DDB2: variants seen among roughly 807,000 people sequenced by gnomAD.
The protein encoded by DDB2 is damage specific DNA binding protein 2.
DDB2 carries 27 observed loss-of-function variants against 50.5 expected under a neutral mutation model. The ratio of observed to expected loss-of-function variants is 0.53; its 90% confidence interval spans 0.39 to 0.74. DDB2 has a LOEUF of 0.74. DDB2 is among the 30% of genes least tolerant of loss of function. The pLI, the probability that DDB2 is intolerant of heterozygous loss-of-function variation, is 0.00. For synonymous variants in DDB2, 176 were observed against 205.5 expected (o/e 0.86, Z 1.23); for missense variants, 424 against 545.6 (o/e 0.78, Z 2.22).
chr11:47,224,096 A>AAAAT (rs1335366410), intron 3 of DDB2, among the ~76,000 whole-genome samples: 17 of 151,926 alleles, frequency 1.1e-4, no homozygotes, highest in African/African-American at 4.1e-4. Context: ...ATTAAAAACA[A>AAAAT]AACAAAACAA....
In DDB2 at chr11:47,238,147, T is replaced by C; in HGVS notation, c.1198T>C (p.Phe400Leu). 2 of 1,612,764 alleles carry C rather than the reference T, an allele frequency of 1.2e-6. No individual in the cohort carries two copies. Among genetic ancestry groups the C allele is most frequent in the South Asian group, 2.2e-5 (2 of 90,690 alleles). ...ACTCTTGTCTCTGCAGCTTAATGAA[T>C]TCAATCCCATGGGGGACACGCTGGC... ...ESSGISSLNEFNPMGDTLASA... is the reference protein window; with the variant it reads ...ESSGISSLNELNPMGDTLASA... The change falls in exon 9 of 10, where the codon TTC becomes CTC. Residue 400 changes from phenylalanine (F) to leucine (L), a missense_variant. By Grantham distance (22) the Phe-to-Leu change is conservative. Coordinates refer to ENST00000256996, the MANE Select transcript of DDB2 (RefSeq NM_000107.3).
chr11:47,226,220 TC>T (rs1443497995), intron 3 of DDB2, among the ~76,000 whole-genome samples: 3 of 152,084 alleles, frequency 2.0e-5, no homozygotes, highest in African/African-American at 7.2e-5. Flanking sequence ...CATCTCATGT[TC>T]CCATCAGCAG....
chr11:47,227,636 A>C (rs1953579709), intron 3 of DDB2, among the ~76,000 whole-genome samples: 1 of 151,686 alleles, frequency 6.6e-6, no homozygotes, highest in Non-Finnish European at 1.5e-5. Flanking sequence ...TCAGCCTCCC[A>C]AGAAGCTGGC....
At chr11:47,216,244 G>A (rs768992147) in intron 1 of DDB2, 92 bp from the exon 2 acceptor site, 5 of 1,585,628 alleles carry the variant, frequency 3.2e-6, no homozygotes, top group South Asian at 1.1e-5. Flanking sequence ...GAGATTAACC[G>A]TGCCGAATGA....
At chr11:47,222,642 A>G (rs1953502626) in intron 3 of DDB2, among the ~76,000 whole-genome samples, 2 of 152,256 alleles carry the variant, frequency 1.3e-5, no homozygotes, top group East Asian at 3.8e-4. Flanking sequence ...CCCTGCACCC[A>G]GCCACATTGT....
chr11:47,237,086 A>G (rs1953735760), intron 7 of DDB2, among the ~76,000 whole-genome samples: 1 of 152,142 alleles, frequency 6.6e-6, no homozygotes, highest in Non-Finnish European at 1.5e-5. Context: ...GCCATTAGCA[A>G]TTTTACACTC....
chr11:47,215,364 C>G, intron 1 of DDB2, 101 bp downstream of exon 1: 1 of 1,589,406 alleles, frequency 6.3e-7, no homozygotes, highest in South Asian at 1.1e-5. Context: ...GAGGCCCGCG[C>G]AGGTCACGGG....
chr11:47,235,351 A>G lies in DDB2; in HGVS notation c.962A>G (p.Asp321Gly). The change falls in exon 7 of 10, where the codon GAC becomes GGC. Residue 321 changes from aspartate to glycine, a missense_variant. Transcript: ENST00000256996. ...EIRVYSASQW[D>G]CPLGLIPHPH... ...CGAGTTTACTCTGCTTCCCAGTGGGACTGCCCCCTGGGCCTGATCCCGCAC... is the reference window on the plus strand; with the variant it reads ...CGAGTTTACTCTGCTTCCCAGTGGGGCTGCCCCCTGGGCCTGATCCCGCAC... 1 of 1,613,920 alleles carries G rather than the reference A, an allele frequency of 6.2e-7. No individual in the cohort carries two copies. Among genetic ancestry groups the G allele is most frequent in the Non-Finnish European group, 8.5e-7 (1 of 1,179,896 alleles).
chr11:47,221,786 G>C (rs963031541), intron 3 of DDB2: 1 of 152,138 alleles, frequency 6.6e-6, no homozygotes, highest in African/African-American at 2.4e-5. Flanking sequence ...TCACCATATT[G>C]GCCAGGCTGG....
chr11:47,223,175 C>A (rs544930697), intron 3 of DDB2, among the ~76,000 whole-genome samples: 1 of 152,238 alleles, frequency 6.6e-6, no homozygotes, highest in African/African-American at 2.4e-5. Context: ...ACAGTTTTCT[C>A]CTGTCAGTAC....
At position 47,227,714 on chromosome 11, in the gene DDB2, A is replaced by G. The variant is rs1489179522; in HGVS notation, c.457-5100A>G. ...TAAACCAACTTTGCATTCTTGGAAT[A>G]AGTTCATCCTGGCCATAACATATTT... is the stretch of plus-strand genomic sequence containing the variant. On this transcript the variant is annotated intron_variant, in intron 3 of 9. Coordinates refer to ENST00000256996, the MANE Select transcript of DDB2 (RefSeq NM_000107.3). 2.0e-5 allele frequency among the ~76,000 whole-genome samples: 3 copies of G among 152,138 alleles called. 1 individual carries two copies. The highest frequency in any genetic ancestry group is 1.5e-5 in the Non-Finnish European group (1 of 68,032).
chr11:47,228,096 T>C (rs1953585702), intron 3 of DDB2, among the ~76,000 whole-genome samples: 2 of 138,200 alleles, frequency 1.4e-5, no homozygotes, highest in Non-Finnish European at 3.0e-5. Context: ...GGTGAGATCG[T>C]ACCACTGCAC....
chr11:47,227,325 T>C (rs1953575558), intron 3 of DDB2, among the ~76,000 whole-genome samples: 1 of 151,832 alleles, frequency 6.6e-6, no homozygotes, highest in South Asian at 2.1e-4. Flanking sequence ...CAGGCTGGTC[T>C]TGAACTCCTG....
At chr11:47,219,324 G>T (rs902505985) in intron 3 of DDB2, among the ~76,000 whole-genome samples, 1 of 151,912 alleles carries the variant, frequency 6.6e-6, no homozygotes, top group African/African-American at 2.4e-5. Flanking sequence ...GTTCAATGGC[G>T]TTGGGTAAAT....
chr11:47,215,444 G>T (rs932969029), intron 1 of DDB2, 181 bp downstream of exon 1: 5 of 770,354 alleles, frequency 6.5e-6, no homozygotes, highest in Non-Finnish European at 1.1e-5. Context: ...CACCTCTCCC[G>T]CTAGGTAACA....
intron 8 of DDB2, 49 bp downstream of exon 8, chr11:47,238,050 C>G (rs372435540): frequency 1.2e-6 from 2 of 1,613,250 alleles, no homozygotes; most frequent in African/African-American, 2.7e-5. Flanking sequence ...GGGATTCAAC[C>G]TACCTTATTG....
At chr11:47,221,610 A>G (rs1421774470) in intron 3 of DDB2, 1 of 152,168 alleles carries the variant, frequency 6.6e-6, no homozygotes, top group Non-Finnish European at 1.5e-5. Flanking sequence ...ATGCCCAGCT[A>G]ATTTTTGTAT....
chr11:47,232,279 G>A (rs945929835), intron 3 of DDB2, among the ~76,000 whole-genome samples: 9 of 152,034 alleles, frequency 5.9e-5, no homozygotes, highest in African/African-American at 1.9e-4. Flanking sequence ...GGAAGGCAGA[G>A]GTTGCAGTGA....
rs1590993390 is a variant in DDB2 at position 47,224,713 on chromosome 11, T to A, written c.456+7664T>A. 2.0e-5 allele frequency among the ~76,000 whole-genome samples: 3 copies of A among 152,314 alleles called. No individual in the cohort carries two copies. The East Asian group carries it at 5.8e-4, about 29-fold the overall frequency. On this transcript the variant is annotated intron_variant, in intron 3 of 9. Transcript: ENST00000256996. ...TTCACTGATCTTTACTTCTGTAATA[T>A]CTAACCTTCTGCTGTCAATCCCTCC...
Sources: allele counts gnomAD v4.1 joint callset (sites outside exome capture counted in the v4.1 genomes callset), GRCh38; gene constraint gnomAD v4.1.1; transcripts MANE v1.5; gene names NCBI Gene and HGNC (gene_info 2026-07-23, HGNC 2026-07-21).